The following EXOC2 variants were observed in gnomAD, a reference collection of about 807,000 sequenced individuals.
EXOC2 encodes the protein exocyst complex component 2.
In EXOC2, 70 loss-of-function variants were observed where a neutral mutation model predicts 131.8. The observed-to-expected ratio is 0.53, with a 90% CI of 0.44 to 0.65. The LOEUF (loss-of-function observed/expected upper bound fraction) is 0.65, where lower values mean the gene tolerates loss of function less well. Among genes scored for constraint, EXOC2 ranks in the 30% least tolerant of loss-of-function variants. EXOC2 has a pLI of 0.00. For missense variants in EXOC2, 923 were observed against 1,108.6 expected, an observed-to-expected ratio of 0.83 and a Z score of 2.38; for synonymous variants, 411 against 398.4, an observed-to-expected ratio of 1.03 and a Z score of -0.38.
In EXOC2 at chr6:599,137, A is replaced by G; in HGVS notation, c.831T>C (p.Leu277=). 6.2e-7 allele frequency: 1 copy of G among 1,613,188 alleles called. No homozygotes were observed. Among genetic ancestry groups the G allele is most frequent in the East Asian group, 2.2e-5 (1 of 44,806 alleles). The change falls in exon 8 of 28, where the codon CTT becomes CTC. Residue 277 remains leucine (L), a synonymous_variant. Coordinates refer to ENST00000230449, the MANE Select transcript of EXOC2 (RefSeq NM_018303.6). ...GGTTGAAAAGAAACTTAAATCGCTGAAGCACATTGAGTGCATTTCTAGTGG... is the reference window on the plus strand; with the variant it reads ...GGTTGAAAAGAAACTTAAATCGCTGGAGCACATTGAGTGCATTTCTAGTGG... ...ADSTRNALNV[L]QRFKFLFNLP...
intron 25 of EXOC2, among the ~76,000 whole-genome samples, chr6:491,915 G>A (rs1222835808): frequency 6.6e-6 from 1 of 152,176 alleles, no homozygotes; most frequent in African/African-American, 2.4e-5. Context: ...AGTGGGGGAA[G>A]AACAGTCTGT....
chr6:497,468 G>A lies in EXOC2; in HGVS notation c.2458C>T (p.Leu820=). 1 of 1,612,348 alleles carries A rather than the reference G, an allele frequency of 6.2e-7. No homozygotes were observed. Among genetic ancestry groups the A allele is most frequent in the Non-Finnish European group, 8.5e-7 (1 of 1,179,212 alleles). The part of the protein sequence containing the change: ...HAEVFTISKE[L]VPRVLSKVIE... ...ACCTTGGATAGTACCCGAGGGACCA[G>A]TTCTTTGGAAATGGTGAACACCTGG... Residue 820 remains leucine, a synonymous_variant, in exon 25 of 28, where the codon CTG becomes TTG. Coordinates refer to ENST00000230449, the MANE Select transcript of EXOC2 (RefSeq NM_018303.6).
chr6:631,163 A>G (rs1157221382), intron 3 of EXOC2, among the ~76,000 whole-genome samples: 1 of 152,038 alleles, frequency 6.6e-6, no homozygotes, highest in Admixed American at 6.6e-5. Flanking sequence ...CTATGAACCC[A>G]CTCATTCTCT....
At chr6:508,986 G>C (rs1337804151) in intron 23 of EXOC2, among the ~76,000 whole-genome samples, 1 of 152,214 alleles carries the variant, frequency 6.6e-6, no homozygotes, top group Non-Finnish European at 1.5e-5. Context: ...GTGTGCAATG[G>C]TATCTTACTG....
At chr6:564,364 C>G (rs936701896) in intron 15 of EXOC2, among the ~76,000 whole-genome samples, 181 bp downstream of exon 15, 2 of 152,094 alleles carry the variant, frequency 1.3e-5, no homozygotes, top group South Asian at 4.2e-4. Flanking sequence ...ACATTCTAGT[C>G]CAACACAAAA....
intron 1 of EXOC2, among the ~76,000 whole-genome samples, chr6:658,149 ATC>A (rs1306886080): frequency 2.1e-4 from 32 of 152,174 alleles, no homozygotes; most frequent in African/African-American, 7.2e-4. Flanking sequence ...TCACTAAACA[ATC>A]CACTTCTCCA....
chr6:617,799 C>A lies in EXOC2; in HGVS notation c.573G>T (p.Lys191Asn). ...CCTCACTCTTCTTGTTAGCCTGTCT[C>A]TTTAGGTTGGTGACTGCCATTTTGA... ...EQLKMAVTNL[K>N]RQANKKSEGS... The change falls in exon 6 of 28, where the codon AAG becomes AAT. Residue 191 changes from lysine (K) to asparagine (N), a missense_variant. Transcript: ENST00000230449. 1 of 1,613,512 alleles carries A rather than the reference C, an allele frequency of 6.2e-7. No individual in the cohort carries two copies. Among genetic ancestry groups the A allele is most frequent in the Non-Finnish European group, 8.5e-7 (1 of 1,179,714 alleles).
At chr6:656,365 C>T (rs1220361623) in intron 1 of EXOC2, 1 of 1,614,102 alleles carries the variant, frequency 6.2e-7, no homozygotes, top group Non-Finnish European at 8.5e-7. Context: ...ACCTCCGTCT[C>T]TATACTCAGG....
intron 20 of EXOC2, among the ~76,000 whole-genome samples, chr6:554,969 T>C (rs538669809): frequency 4.6e-5 from 7 of 152,328 alleles, no homozygotes; most frequent in African/African-American, 1.7e-4. Context: ...TTATTATTTA[T>C]AAAACCTGTT....
intron 7 of EXOC2, among the ~76,000 whole-genome samples, chr6:601,008 T>A (rs537073223): frequency 7.2e-4 from 109 of 152,266 alleles, no homozygotes; most frequent in African/African-American, 2.3e-3. Context: ...ATGAGGGCAG[T>A]GAAACCAAGA....
intron 23 of EXOC2, among the ~76,000 whole-genome samples, chr6:501,939 C>T (rs6919639): frequency 0.37 from 55,471 of 151,540 alleles, 11,100 homozygotes; most frequent in African/African-American, 0.53. Context: ...TAAACGAACT[C>T]GTCTGGAGAC....
Position 604,319 on chromosome 6 carries a change from C to A in EXOC2, c.743-5094G>T, listed in dbSNP as rs142653249. On this transcript the variant is annotated intron_variant, in intron 7 of 27. Coordinates refer to ENST00000230449, the MANE Select transcript of EXOC2 (RefSeq NM_018303.6). Reference sequence around the variant, plus strand: ...ATGTCAAACCTTCCCTGTCCCTTCACCTTTCTCACCTGCCACTCGCTCTAC... The same window carrying A: ...ATGTCAAACCTTCCCTGTCCCTTCAACTTTCTCACCTGCCACTCGCTCTAC... Among the ~76,000 whole-genome samples, 22 of 152,296 alleles carry A rather than the reference C, an allele frequency of 1.4e-4. No homozygotes were observed. In the East Asian group the frequency reaches 4.2e-3, roughly 29 times the overall value.
At chr6:635,853 G>A (rs948569497) in intron 2 of EXOC2, among the ~76,000 whole-genome samples, 1 of 152,234 alleles carries the variant, frequency 6.6e-6, no homozygotes, top group Non-Finnish European at 1.5e-5. Flanking sequence ...ACGAGGTCAA[G>A]AGATTGTGAC....
At chr6:585,364 G>T (rs1048847204) in intron 11 of EXOC2, among the ~76,000 whole-genome samples, 1 of 152,228 alleles carries the variant, frequency 6.6e-6, no homozygotes, top group Non-Finnish European at 1.5e-5. Flanking sequence ...TGTGTGAGGT[G>T]CAAGGGTGAG....
chr6:539,337 G>A lies in EXOC2; in HGVS notation c.2239-6727C>T, dbSNP rs191633614. ...TGGACAATACTCCCAATAAGCCAGC[G>A]CCCTGCCACCTTAGCAGCAATCATG... On this transcript the variant is annotated intron_variant, in intron 22 of 27. Coordinates refer to ENST00000230449, the MANE Select transcript of EXOC2 (RefSeq NM_018303.6). Among the ~76,000 whole-genome samples, 48 of 152,336 alleles carry A rather than the reference G, an allele frequency of 3.2e-4. 3 individuals carry two copies. The highest frequency in any genetic ancestry group is 2.5e-3 in the Admixed American group (39 of 15,306).
intron 22 of EXOC2, among the ~76,000 whole-genome samples, chr6:537,169 C>A (rs891881559): frequency 1.3e-5 from 2 of 151,886 alleles, no homozygotes. Flanking sequence ...ACGGAGCGTA[C>A]ACTTGAGTTG....
At position 667,052 on chromosome 6, in the gene EXOC2, A is replaced by G. The variant is rs866506289; in HGVS notation, c.-44+25967T>C. Among the ~76,000 whole-genome samples the G allele has an allele frequency of 3.1e-5, 3 of 96,618 alleles. 1 individual carries two copies. The highest frequency in any genetic ancestry group is 7.3e-5 in the Non-Finnish European group (3 of 40,874). The allele number at this position is 96,618 out of a possible 152,430, so 63.4% of individuals were successfully genotyped here. A position where few individuals can be genotyped will look rare whatever the true frequency, so the allele number is the denominator to read the frequency against. ...CTGGTGTCATTCATTTTAATTATCTATAAGCTATAATCACCGTAAGTTTTG... is the reference window on the plus strand; with the variant it reads ...CTGGTGTCATTCATTTTAATTATCTGTAAGCTATAATCACCGTAAGTTTTG... On this transcript the variant is annotated intron_variant, in intron 1 of 27. Coordinates refer to ENST00000230449, the MANE Select transcript of EXOC2 (RefSeq NM_018303.6).
Position 549,162 on chromosome 6 carries a change from T to G in EXOC2, c.2238+13A>C. The G allele has an allele frequency of 8.5e-5, 137 of 1,603,206 alleles. No individual in the cohort carries two copies. Among genetic ancestry groups the G allele is most frequent in the Middle Eastern group, 1.7e-4 (1 of 6,054 alleles). ...AAACCACCGACTTGTGCGTTTTACATGAACTCGCTTACCTGTGTGATTTTT... is the reference window on the plus strand; with the variant it reads ...AAACCACCGACTTGTGCGTTTTACAGGAACTCGCTTACCTGTGTGATTTTT... On this transcript the variant is annotated intron_variant, in intron 22 of 27. Coordinates refer to ENST00000230449, the MANE Select transcript of EXOC2 (RefSeq NM_018303.6).
In EXOC2 at chr6:489,047, C is replaced by T. The variant is rs760733780; in HGVS notation, c.2622-9G>A. The T allele has an allele frequency of 6.8e-6, 11 of 1,612,866 alleles. No homozygotes were observed. The East Asian group carries it at 1.8e-4, about 26-fold the overall frequency. ...CCTGCTTAAAACTTGACCTGAAACA[C>T]AAACAGCCACACTGAAGTTGAAGCC... On this transcript the variant is annotated splice_polypyrimidine_tract_variant and intron_variant, in intron 26 of 27. Coordinates refer to ENST00000230449, the MANE Select transcript of EXOC2 (RefSeq NM_018303.6).
Sources: gnomAD v4.1 joint callset for allele counts (sites outside exome capture counted in the v4.1 genomes callset) on GRCh38, gnomAD v4.1.1 for gene constraint, MANE v1.5 for transcripts, NCBI Gene and HGNC (gene_info 2026-07-23, HGNC 2026-07-21) for gene names.